Variants in RNF44 observed in about 807,000 individuals in gnomAD.
The protein encoded by RNF44 is ring finger protein 44.
Under a neutral mutation model 53.6 loss-of-function variants are expected in RNF44, and 25 were observed. That is an observed-to-expected ratio of 0.47 (90% CI 0.34 to 0.65). The LOEUF (loss-of-function observed/expected upper bound fraction) is 0.65, where lower values mean the gene tolerates loss of function less well. Ranked by LOEUF, RNF44 falls within the 30% of genes least tolerant of loss-of-function variation. The probability of loss-of-function intolerance (pLI) is 0.01; values close to 1 mark genes in which losing one functional copy is unlikely to be tolerated. For synonymous variants in RNF44, 282 were observed against 252.2 expected (o/e 1.12, Z -1.12); for missense variants, 581 against 595.5 (o/e 0.98, Z 0.25).
In RNF44 at chr5:176,527,031, AG is replaced by A. The variant is rs1237142345; in HGVS notation, c.*1996del. The A allele has an allele frequency of 2.6e-5, 4 of 152,296 alleles. No homozygotes were observed. Among genetic ancestry groups the A allele is most frequent in the African/African-American group, 9.7e-5 (4 of 41,410 alleles). 9.4% of individuals were successfully genotyped at this position (152,296 alleles called of 1,614,324 possible). ...AAATGAGGTAACTGTAAAATGTGCA[AG>A]GAACAGGGCCCCCAAAATTACATAT... is the stretch of plus-strand genomic sequence containing the variant. On this transcript the variant is annotated 3_prime_UTR_variant, in exon 11 of 11. Transcript: ENST00000274811.
Position 176,530,945 on chromosome 5 carries a change from T to A in RNF44, c.542A>T (p.Tyr181Phe), listed in dbSNP as rs375295924. The A allele has an allele frequency of 1.9e-5, 27 of 1,453,716 alleles. No individual in the cohort carries two copies. The African/African-American group carries it at 3.7e-4, about 20-fold the overall frequency. 90.1% of individuals were successfully genotyped at this position (1,453,716 alleles called of 1,614,324 possible). The change falls in exon 5 of 11, where the codon TAC becomes TTC. Residue 181 changes from tyrosine (Y) to phenylalanine (F), a missense_variant. Coordinates refer to ENST00000274811, the MANE Select transcript of RNF44 (RefSeq NM_014901.5). ...GGCCGGTGGTGGGGGGTGCAGGATGTAGTGGTCACTGGAGATGAGGTGGGG... is the reference window on the plus strand; with the variant it reads ...GGCCGGTGGTGGGGGGTGCAGGATGAAGTGGTCACTGGAGATGAGGTGGGG... The part of the protein sequence containing the change: ...AYPHLISSDH[Y>F]ILHPPPPAPP...
In RNF44 at chr5:176,528,885, G is replaced by T; in HGVS notation, c.*143C>A. 1.3e-6 allele frequency: 1 copy of T among 744,876 alleles called. No homozygotes were observed. Among genetic ancestry groups the T allele is most frequent in the Non-Finnish European group, 2.2e-6 (1 of 462,906 alleles). 46.1% of individuals were successfully genotyped at this position (744,876 alleles called of 1,614,324 possible). On this transcript the variant is annotated 3_prime_UTR_variant, in exon 11 of 11. Coordinates refer to ENST00000274811, the MANE Select transcript of RNF44 (RefSeq NM_014901.5). Reference sequence around the variant, plus strand: ...GGCTTATTGCAGGGACTCCTCGCTGGGCTGACCCTGGCACCAGCTCTGGAA... The same window carrying T: ...GGCTTATTGCAGGGACTCCTCGCTGTGCTGACCCTGGCACCAGCTCTGGAA...
At position 176,527,555 on chromosome 5, in the gene RNF44, G is replaced by C. The variant is rs945049915; in HGVS notation, c.*1473C>G. ...ACAGTAAGACTTTGGGTTCTCCATG[G>C]GGGTGGGACCAGGCTGACGGGCCCC... On this transcript the variant is annotated 3_prime_UTR_variant, in exon 11 of 11. Coordinates refer to ENST00000274811, the MANE Select transcript of RNF44 (RefSeq NM_014901.5). 1 of 152,450 alleles carries C rather than the reference G, an allele frequency of 6.6e-6. No homozygotes were observed. The highest frequency in any genetic ancestry group is 1.5e-5 in the Non-Finnish European group (1 of 68,056). The allele number at this position is 152,450 out of a possible 1,614,324, so 9.4% of individuals were successfully genotyped here.
chr5:176,532,141 G>A lies in RNF44; in HGVS notation c.160C>T (p.Pro54Ser). 6.3e-7 allele frequency: 1 copy of A among 1,575,076 alleles called. No individual in the cohort carries two copies. The highest frequency in any genetic ancestry group is 8.6e-7 in the Non-Finnish European group (1 of 1,162,724). ...GGTCGGGACGGCGGCTGCTGGGAGG[G>A]TAAGCGCTCATCCCGGGCAGGCGGG... The part of the protein sequence containing the change: ...ASPPARDERL[P>S]SQQPPSRPPH... Residue 54 changes from proline (P) to serine (S), a missense_variant, in exon 3 of 11, where the codon CCC becomes TCC. This residue lies in a region of RNF44 where 387 missense variants were observed against 366.0 expected (regional missense o/e 1.06). Transcript: ENST00000274811.
At position 176,528,804 on chromosome 5, in the gene RNF44, C is replaced by T. The variant is rs1010530456; in HGVS notation, c.*224G>A. 2.7e-5 allele frequency: 16 copies of T among 582,080 alleles called. No individual in the cohort carries two copies. Among genetic ancestry groups the T allele is most frequent in the Non-Finnish European group, 4.0e-5 (13 of 328,662 alleles). 36.1% of individuals were successfully genotyped at this position (582,080 alleles called of 1,614,324 possible). A position where few individuals can be genotyped will look rare whatever the true frequency, so the allele number is the denominator to read the frequency against. On this transcript the variant is annotated 3_prime_UTR_variant, in exon 11 of 11. Transcript: ENST00000274811. The stretch of plus-strand genomic sequence containing the variant: ...CAGGGACACTCAGGCAGCTCCGTGG[C>T]GGGCGGGCAGGCAGGCAGACTAGGG...
chr5:176,532,315 C>A (rs757415284), intron 2 of RNF44, 51 bp downstream of exon 2: 11 of 1,552,940 alleles, frequency 7.1e-6, no homozygotes, highest in African/African-American at 1.4e-5. Flanking sequence ...CTGCGCCCCA[C>A]CCCTGCTGGC....
intron 1 of RNF44, among the ~76,000 whole-genome samples, chr5:176,534,822 T>A (rs978137415): frequency 7.9e-5 from 12 of 152,214 alleles, no homozygotes; most frequent in Admixed American, 4.6e-4. Flanking sequence ...GCCAGTCAGC[T>A]GGAATCGTGA....
At chr5:176,539,236 G>A (rs1401472737), upstream of RNF44, among the ~76,000 whole-genome samples, 3 of 152,316 alleles carry the variant, frequency 2.0e-5, no homozygotes, top group Middle Eastern at 6.8e-3. Flanking sequence ...TCCCTGGAAC[G>A]CCAAACTCTA....
chr5:176,532,733 C>T (rs1269333440), intron 1 of RNF44, among the ~76,000 whole-genome samples: 1 of 132,684 alleles, frequency 7.5e-6, no homozygotes, highest in Admixed American at 8.0e-5. Flanking sequence ...GGTGACAGAG[C>T]GAGACTCCCG....
At position 176,531,087 on chromosome 5, in the gene RNF44, C is replaced by A; in HGVS notation, c.466-66G>T. ...GGCTCTGGGCCAGGTCTACGCCATG[C>A]CACCCAGCAAAAGGCCCCCACCGGG... On this transcript the variant is annotated intron_variant, in intron 4 of 10. Coordinates refer to ENST00000274811, the MANE Select transcript of RNF44 (RefSeq NM_014901.5). The surrounding 1 kb of genome is among the most constrained non-coding windows in gnomAD (Gnocchi z 4.2). 2 of 1,238,154 alleles carry A rather than the reference C, an allele frequency of 1.6e-6. No individual in the cohort carries two copies. Among genetic ancestry groups the A allele is most frequent in the Non-Finnish European group, 2.1e-6 (2 of 932,452 alleles). 76.7% of individuals were successfully genotyped at this position (1,238,154 alleles called of 1,614,324 possible).
chr5:176,530,857 G>A lies in RNF44; in HGVS notation c.630C>T (p.His210=). Residue 210 remains histidine (H), a synonymous_variant, in exon 5 of 11, where the codon CAC becomes CAT. Coordinates refer to ENST00000274811, the MANE Select transcript of RNF44 (RefSeq NM_014901.5). ...ACCCATGCCGACTCACCATCCGAGG[G>A]TGCTGGGTCTGCAGAGACACAAACT... ...LGQFVSLQTQ[H]PRMPLQRLDN... 7.1e-7 allele frequency: 1 copy of A among 1,418,204 alleles called. No individual in the cohort carries two copies. Among genetic ancestry groups the A allele is most frequent in the Non-Finnish European group, 9.2e-7 (1 of 1,087,218 alleles). 87.9% of individuals were successfully genotyped at this position (1,418,204 alleles called of 1,614,324 possible).
upstream of RNF44, chr5:176,538,064 CAG>C (rs1444675276): frequency 2.0e-5 from 3 of 152,188 alleles, no homozygotes; most frequent in Non-Finnish European, 4.4e-5. Context: ...GCTGACGTCA[CAG>C]AGACATTTAA....
At chr5:176,532,230 G>C in intron 2 of RNF44, 37 bp from the exon 3 acceptor site, 1 of 1,490,552 alleles carries the variant, frequency 6.7e-7, no homozygotes, top group Non-Finnish European at 8.9e-7. Context: ...AGGACTGAGG[G>C]GGGCCACTCG....
rs1462180601 is a variant in RNF44 at position 176,527,655 on chromosome 5, C to T, written c.*1373G>A. The T allele has an allele frequency of 1.3e-5, 2 of 152,364 alleles. No individual in the cohort carries two copies. The highest frequency in any genetic ancestry group is 4.8e-5 in the African/African-American group (2 of 41,442). 9.4% of individuals were successfully genotyped at this position (152,364 alleles called of 1,614,324 possible). ...GAGGGTGGTTGGAGCATCCCTGAGG[C>T]AGCAGGCGCCAGGGGCTGCCTGCTA... On this transcript the variant is annotated 3_prime_UTR_variant, in exon 11 of 11. Transcript: ENST00000274811.
At chr5:176,530,785 G>A (rs1333265565) in intron 5 of RNF44, 42 bp from the exon 6 acceptor site, 3 of 1,491,878 alleles carry the variant, frequency 2.0e-6, no homozygotes, top group Admixed American at 2.7e-5. Context: ...GTGAGACGAG[G>A]CTGTCCTCAC....
Position 176,531,696 on chromosome 5 carries a change from G to A in RNF44, c.298-66C>T. The A allele has an allele frequency of 6.8e-7, 1 of 1,466,242 alleles. No homozygotes were observed. Among genetic ancestry groups the A allele is most frequent in the East Asian group, 2.4e-5 (1 of 41,960 alleles). The allele number at this position is 1,466,242 out of a possible 1,614,324, so 90.8% of individuals were successfully genotyped here. ...CTGACCGCGAGGGCTACTCTCAGGA[G>A]AAATCATCCTGCCACATCCAGCTGC... On this transcript the variant is annotated intron_variant, in intron 3 of 10. Transcript: ENST00000274811. The surrounding 1 kb of genome is among the most constrained non-coding windows in gnomAD (Gnocchi z 4.2).
chr5:176,539,370 TCC>T (rs771409141), upstream of RNF44, among the ~76,000 whole-genome samples: 1 of 152,204 alleles, frequency 6.6e-6, no homozygotes, highest in Non-Finnish European at 1.5e-5. Flanking sequence ...CCTTTTGTTT[TCC>T]CCACCACATA....
chr5:176,540,131 GCA>G (rs1757415034), upstream of RNF44, among the ~76,000 whole-genome samples: 1 of 152,140 alleles, frequency 6.6e-6, no homozygotes, highest in Non-Finnish European at 1.5e-5. Flanking sequence ...CATTTAATTT[GCA>G]CACAGTCCTG....
In RNF44 at chr5:176,532,116, G is replaced by A; in HGVS notation, c.185C>T (p.Pro62Leu). The A allele has an allele frequency of 6.3e-7, 1 of 1,586,828 alleles. No homozygotes were observed. The highest frequency in any genetic ancestry group is 8.6e-7 in the Non-Finnish European group (1 of 1,168,866). The change falls in exon 3 of 11, where the codon CCT becomes CTT. Residue 62 changes from proline (P) to leucine (L), a missense_variant. Pro to Leu is a moderately conservative substitution (Grantham distance 98). Around this residue, in one of 3 missense-constraint regions of RNF44, gnomAD observed 387 missense variants for 366.0 expected, o/e 1.06. Transcript: ENST00000274811. ...RLPSQQPPSR[P>L]PHLPVEERRA... ...GCGCTCCTCTACGGGGAGGTGTGGAGGTCGGGACGGCGGCTGCTGGGAGGG... is the reference window on the plus strand; with the variant it reads ...GCGCTCCTCTACGGGGAGGTGTGGAAGTCGGGACGGCGGCTGCTGGGAGGG...
Sources: allele counts gnomAD v4.1 joint callset (sites outside exome capture counted in the v4.1 genomes callset), GRCh38; gene constraint gnomAD v4.1.1; regional missense constraint gnomAD v4.1.1; non-coding constraint Gnocchi (gnomAD v3.1); transcripts MANE v1.5; gene names NCBI Gene and HGNC (gene_info 2026-07-23, HGNC 2026-07-21).